Variants in GRAMD2B observed in about 807,000 individuals in gnomAD.
GRAMD2B encodes the protein GRAM domain-containing protein 2B.
Under a neutral mutation model 59.2 loss-of-function variants are expected in GRAMD2B, and 41 were observed. That is an observed-to-expected ratio of 0.69 (90% CI 0.54 to 0.90). GRAMD2B has a LOEUF of 0.90. Among genes scored for constraint, GRAMD2B ranks in the 40% least tolerant of loss-of-function variants. The pLI is 0.00. For synonymous variants in GRAMD2B, 161 were observed against 182.7 expected (o/e 0.88, Z 0.96); for missense variants, 424 against 500.5 (o/e 0.85, Z 1.46).
chr5:126,406,058 G>T (rs1009708431), intron 1 of GRAMD2B, among the ~76,000 whole-genome samples: 30 of 151,902 alleles, frequency 2.0e-4, no homozygotes, highest in African/African-American at 7.2e-4. Context: ...GCAGAGAAAA[G>T]GAGGCATTTA....
rs750642691 is a variant in GRAMD2B at position 126,484,458 on chromosome 5, C to A, written c.904C>A (p.Pro302Thr). ...VLNVSKGEAKPTRADAHVNRV... is the reference protein window; with the variant it reads ...VLNVSKGEAKTTRADAHVNRV... ...GAATGTCTCCAAGGGAGAAGCAAAG[C>A]CAACTCGGGCAGATGCCCATGTGAA... Residue 302 changes from proline to threonine, a missense_variant, in exon 10 of 14, where the codon CCA (proline) becomes ACA (threonine). Coordinates refer to ENST00000285689, the MANE Select transcript of GRAMD2B (RefSeq NM_023927.4). The A allele has an allele frequency of 6.2e-7, 1 of 1,614,150 alleles. No homozygotes were observed. Among genetic ancestry groups the A allele is most frequent in the Non-Finnish European group, 8.5e-7 (1 of 1,180,014 alleles).
At chr5:126,446,620 T>TAAAAA (rs34271639) in intron 1 of GRAMD2B, among the ~76,000 whole-genome samples, 1 of 135,204 alleles carries the variant, frequency 7.4e-6, no homozygotes. Context: ...TTTTAAAAAT[T>TAAAAA]AAAAAAAAAA....
In GRAMD2B at chr5:126,493,986, TTC is replaced by T. The variant is rs1185578420; in HGVS notation, c.*1032_*1033del. 4 of 152,688 alleles carry T rather than the reference TTC, an allele frequency of 2.6e-5. No homozygotes were observed. Among genetic ancestry groups the T allele is most frequent in the African/African-American group, 9.6e-5 (4 of 41,474 alleles). 9.5% of individuals were successfully genotyped at this position (152,688 alleles called of 1,614,324 possible). A position where few individuals can be genotyped will look rare whatever the true frequency, so the allele number is the denominator to read the frequency against. On this transcript the variant is annotated 3_prime_UTR_variant, in exon 14 of 14. Transcript: ENST00000285689. ...ATAAGATCTGTAAGTACAAAGGATATTCTGTTTCTATCTGCAATGCATTTGAT... is the reference window on the plus strand; with the variant it reads ...ATAAGATCTGTAAGTACAAAGGATATTGTTTCTATCTGCAATGCATTTGAT...
At chr5:126,364,803 T>C (rs1754367072) in intron 1 of GRAMD2B, among the ~76,000 whole-genome samples, 1 of 152,352 alleles carries the variant, frequency 6.6e-6, no homozygotes. Context: ...AAAAACATCT[T>C]GGCCAGTGGT....
At chr5:126,455,796 C>T (rs1406524715) in intron 1 of GRAMD2B, among the ~76,000 whole-genome samples, 1 of 152,138 alleles carries the variant, frequency 6.6e-6, no homozygotes, top group Non-Finnish European at 1.5e-5. Context: ...AGACATAGTG[C>T]CCTCCCCATA....
intron 1 of GRAMD2B, among the ~76,000 whole-genome samples, chr5:126,413,617 A>G (rs911738027): frequency 3.9e-5 from 6 of 152,064 alleles, no homozygotes; most frequent in Admixed American, 2.6e-4. Context: ...CTTAGGTCCA[A>G]TTAGTCAAGT....
intron 1 of GRAMD2B, among the ~76,000 whole-genome samples, chr5:126,410,148 C>T (rs1330694748): frequency 6.6e-6 from 1 of 152,092 alleles, no homozygotes; most frequent in African/African-American, 2.4e-5. Context: ...GTTCTTTTGG[C>T]TTAGGATTGA....
At chr5:126,466,764 A>G (rs1450019069) in intron 2 of GRAMD2B, among the ~76,000 whole-genome samples, 1 of 152,110 alleles carries the variant, frequency 6.6e-6, no homozygotes, top group Non-Finnish European at 1.5e-5. Flanking sequence ...GCTTCTCTTC[A>G]CAAAGGCACA....
upstream of GRAMD2B, chr5:126,423,261 G>T: frequency 8.9e-7 from 1 of 1,129,100 alleles, no homozygotes. Context: ...TGTTCCACCT[G>T]CTTGGCCAAT....
chr5:126,407,507 C>G (rs1397109592), intron 1 of GRAMD2B, among the ~76,000 whole-genome samples: 1 of 151,896 alleles, frequency 6.6e-6, no homozygotes, highest in African/African-American at 2.4e-5. Context: ...CTTCTGCTCA[C>G]AAGAGGAAGA....
intron 1 of GRAMD2B, among the ~76,000 whole-genome samples, chr5:126,388,360 G>A (rs908961132): frequency 6.6e-6 from 1 of 151,448 alleles, no homozygotes; most frequent in Admixed American, 6.6e-5. Context: ...GTGACAAAGT[G>A]AGATCTTATC....
At chr5:126,466,735 C>T (rs1768499098) in intron 2 of GRAMD2B, among the ~76,000 whole-genome samples, 1 of 152,154 alleles carries the variant, frequency 6.6e-6, no homozygotes. Flanking sequence ...AGTTGTTTCC[C>T]CTCAAAGCCT....
intron 3 of GRAMD2B, 24 bp downstream of exon 3, chr5:126,469,812 T>A: frequency 6.4e-7 from 1 of 1,551,446 alleles, no homozygotes; most frequent in Non-Finnish European, 8.9e-7. Flanking sequence ...GGAATTTGTA[T>A]TGTCTTAGAG....
intron 1 of GRAMD2B, among the ~76,000 whole-genome samples, chr5:126,410,006 C>T (rs1467769505): frequency 3.3e-5 from 5 of 150,708 alleles, no homozygotes; most frequent in East Asian, 1.9e-4. Context: ...TGTAGATATG[C>T]GGCTTTATTT....
chr5:126,486,741 T>C lies in GRAMD2B; in HGVS notation c.1059-132T>C, dbSNP rs776485199. On this transcript the variant is annotated intron_variant, in intron 11 of 13. Transcript: ENST00000285689. ...CATCAGCCTGTTTAAAAAGGATGTT[T>C]TTAAAATCTTTTTACCAAGTTATTT... 3.3e-4 allele frequency: 202 copies of C among 610,606 alleles called. 2 individuals are homozygous for C. Among genetic ancestry groups the C allele is most frequent in the Non-Finnish European group, 5.6e-4 (190 of 337,384 alleles). The allele number at this position is 610,606 out of a possible 1,614,324, so 37.8% of individuals were successfully genotyped here.
At chr5:126,458,423 G>A (rs1766726599) in intron 1 of GRAMD2B, among the ~76,000 whole-genome samples, 3 of 151,238 alleles carry the variant, frequency 2.0e-5, no homozygotes, top group South Asian at 2.1e-4. Context: ...CTGAGCGACA[G>A]AGTAAGGCTC....
In GRAMD2B at chr5:126,463,525, G is replaced by C. The variant is rs113173814; in HGVS notation, c.84-1901G>C. 6.5e-3 allele frequency among the ~76,000 whole-genome samples: 982 copies of C among 152,080 alleles called. 11 individuals are homozygous for C. The highest frequency in any genetic ancestry group is 0.023 in the African/African-American group (942 of 41,466). On this transcript the variant is annotated intron_variant, in intron 1 of 13. Transcript: ENST00000285689. ...CAATTATTATTTTAAACCAAAACAG[G>C]GTTTTCCTAATAATATTTCAATGCC...
intron 1 of GRAMD2B, among the ~76,000 whole-genome samples, chr5:126,394,136 G>A (rs1349900618): frequency 6.6e-6 from 1 of 151,934 alleles, no homozygotes; most frequent in Non-Finnish European, 1.5e-5. Context: ...TTAGCCGGGA[G>A]TGGTGGCGGG....
chr5:126,408,038 T>C lies in GRAMD2B; in HGVS notation c.125+36471T>C, dbSNP rs112533446. On this transcript the variant is annotated intron_variant, in intron 1 of 8. Transcript: ENST00000506445. Reference sequence around the variant, plus strand: ...CCTGATGCAGAGGTTTGGGGTACGATTGATCTCATCACCCAGGTCCTGAGC... The same window carrying C: ...CCTGATGCAGAGGTTTGGGGTACGACTGATCTCATCACCCAGGTCCTGAGC... Among the ~76,000 whole-genome samples, 337 of 152,124 alleles carry C rather than the reference T, an allele frequency of 2.2e-3. 2 individuals carry two copies. The highest frequency in any genetic ancestry group is 7.5e-3 in the African/African-American group (312 of 41,538).
Sources: allele counts gnomAD v4.1 joint callset (sites outside exome capture counted in the v4.1 genomes callset), GRCh38; gene constraint gnomAD v4.1.1; transcripts MANE v1.5; gene names NCBI Gene and HGNC (gene_info 2026-07-23, HGNC 2026-07-21).